The following MIPOL1 variants were observed in gnomAD, a reference collection of about 807,000 sequenced individuals.
MIPOL1 encodes mirror-image polydactyly gene 1 protein.
MIPOL1 carries 57 observed loss-of-function variants against 60.9 expected under a neutral mutation model. The observed-to-expected ratio is 0.94, with a 90% CI of 0.76 to 1.17. MIPOL1 has a LOEUF of 1.17. Ranked by LOEUF, MIPOL1 falls within the 50% of genes most tolerant of loss-of-function variation. MIPOL1 has a pLI of 0.00. For synonymous variants in MIPOL1, 179 were observed against 168.8 expected, an observed-to-expected ratio of 1.06 and a Z score of -0.47; for missense variants, 551 against 511.6, an observed-to-expected ratio of 1.08 and a Z score of -0.74.
intron 9 of MIPOL1, among the ~76,000 whole-genome samples, chr14:37,353,946 T>A (rs1445369974): frequency 9.8e-5 from 15 of 152,300 alleles, no homozygotes; most frequent in South Asian, 6.2e-4. Flanking sequence ...TGCCTTCTGC[T>A]AGCTTTTGAA....
intron 9 of MIPOL1, among the ~76,000 whole-genome samples, chr14:37,354,859 C>G (rs1056934987): frequency 3.1e-5 from 3 of 96,374 alleles, no homozygotes; most frequent in African/African-American, 1.2e-4. Context: ...GACTCTTTAT[C>G]CAATTTGCCA....
chr14:37,315,125 C>A (rs1383740420), intron 9 of MIPOL1, among the ~76,000 whole-genome samples: 1 of 152,064 alleles, frequency 6.6e-6, no homozygotes, highest in African/African-American at 2.4e-5. Flanking sequence ...GTGATCAAGG[C>A]AGGCCTATTT....
At chr14:37,218,924 CAAAAAAA>C (rs150658949) in intron 1 of MIPOL1, among the ~76,000 whole-genome samples, 86 of 106,762 alleles carry the variant, frequency 8.1e-4, no homozygotes, top group Non-Finnish European at 1.6e-3. Flanking sequence ...GACCCTATTT[CAAAAAAA>C]AAAAAAAAAA....
chr14:37,299,434 TATA>T (rs1480729664), intron 7 of MIPOL1, among the ~76,000 whole-genome samples: 11 of 142,974 alleles, frequency 7.7e-5, no homozygotes, highest in African/African-American at 1.5e-4. Flanking sequence ...AAACTTAAAG[TATA>T]ATAATAAAAA....
At chr14:37,408,582 T>C (rs952445409) in intron 10 of MIPOL1, among the ~76,000 whole-genome samples, 1 of 152,072 alleles carries the variant, frequency 6.6e-6, no homozygotes, top group Non-Finnish European at 1.5e-5. Flanking sequence ...TGAGTTGAGA[T>C]TGCACCACTA....
intron 12 of MIPOL1, among the ~76,000 whole-genome samples, chr14:37,523,973 G>A (rs1475960166): frequency 6.6e-6 from 1 of 152,120 alleles, no homozygotes; most frequent in Non-Finnish European, 1.5e-5. Flanking sequence ...TTGGCTTGTT[G>A]GAGAAACTGA....
intron 10 of MIPOL1, among the ~76,000 whole-genome samples, chr14:37,422,622 G>A (rs2093893412): frequency 1.3e-5 from 2 of 151,938 alleles, no homozygotes; most frequent in Middle Eastern, 3.4e-3. Context: ...AGATAAATAA[G>A]GTTGAAGTTT....
chr14:37,348,859 ACT>A (rs2091136904), intron 9 of MIPOL1, among the ~76,000 whole-genome samples: 1 of 129,576 alleles, frequency 7.7e-6, no homozygotes, highest in Non-Finnish European at 1.6e-5. Context: ...ACAGAGTCTC[ACT>A]CTGTCACCCG....
chr14:37,344,552 T>G (rs1241543085), intron 9 of MIPOL1, among the ~76,000 whole-genome samples: 1 of 152,146 alleles, frequency 6.6e-6, no homozygotes, highest in Non-Finnish European at 1.5e-5. Context: ...TGGAAGCACA[T>G]GTCAAGTTGT....
intron 7 of MIPOL1, among the ~76,000 whole-genome samples, chr14:37,296,610 TG>T (rs1336235369): frequency 6.6e-6 from 1 of 152,038 alleles, no homozygotes; most frequent in Non-Finnish European, 1.5e-5. Flanking sequence ...CAATAAAAAA[TG>T]GCAAAGGGGA....
intron 3 of MIPOL1, among the ~76,000 whole-genome samples, chr14:37,248,982 A>G (rs77114294): frequency 0.021 from 2,947 of 143,578 alleles, 84 homozygotes; most frequent in African/African-American, 0.08. Flanking sequence ...GGAAGGATGG[A>G]TGGATGGATG....
chr14:37,415,418 C>T (rs531489815), intron 10 of MIPOL1, among the ~76,000 whole-genome samples: 49 of 151,334 alleles, frequency 3.2e-4, no homozygotes, highest in Non-Finnish European at 5.8e-4. Flanking sequence ...GTCAGGAGAT[C>T]GAGACCATCC....
chr14:37,351,234 G>C (rs1241515187), intron 9 of MIPOL1, among the ~76,000 whole-genome samples: 1 of 147,266 alleles, frequency 6.8e-6, no homozygotes. Context: ...CCAAGGACAT[G>C]AACTCATTCT....
At chr14:37,494,620 T>G (rs1246728860) in intron 11 of MIPOL1, among the ~76,000 whole-genome samples, 1 of 152,114 alleles carries the variant, frequency 6.6e-6, no homozygotes, top group Non-Finnish European at 1.5e-5. Context: ...ACATAAAGAC[T>G]GTAGGTTCAA....
chr14:37,466,701 C>T (rs1356742535), intron 11 of MIPOL1, among the ~76,000 whole-genome samples: 1 of 152,206 alleles, frequency 6.6e-6, no homozygotes, highest in Non-Finnish European at 1.5e-5. Flanking sequence ...GCATTCACCC[C>T]ACCAATGATT....
intron 1 of MIPOL1, among the ~76,000 whole-genome samples, chr14:37,201,513 T>C (rs1306680555): frequency 2.6e-5 from 4 of 152,144 alleles, no homozygotes; most frequent in Non-Finnish European, 5.9e-5. Context: ...ATATATAATA[T>C]AGTTATTGTA....
chr14:37,369,576 C>T lies in MIPOL1; in HGVS notation c.888C>T (p.Asn296=). 1.2e-6 allele frequency: 2 copies of T among 1,613,430 alleles called. No individual in the cohort carries two copies. The highest frequency in any genetic ancestry group is 1.7e-6 in the Non-Finnish European group (2 of 1,179,572). ...HVKEQNQTSA[N]NMRHLTAENN... Reference sequence around the variant, plus strand: ...AAGAGCAGAACCAGACTTCAGCAAACAACATGAGACATCTGACTGCTGAAA... The same window carrying T: ...AAGAGCAGAACCAGACTTCAGCAAATAACATGAGACATCTGACTGCTGAAA... Residue 296 remains asparagine (N), a synonymous_variant, in exon 10 of 13, where the codon AAC becomes AAT. Coordinates refer to ENST00000684589, the MANE Select transcript of MIPOL1 (RefSeq NM_001388067.1).
At chr14:37,349,757 T>C (rs1458910736) in intron 9 of MIPOL1, among the ~76,000 whole-genome samples, 5 of 152,184 alleles carry the variant, frequency 3.3e-5, no homozygotes, top group Admixed American at 3.3e-4. Flanking sequence ...CATTTACTTA[T>C]TTCGTTTATT....
chr14:37,321,769 T>A (rs1480988059), intron 9 of MIPOL1, among the ~76,000 whole-genome samples: 1 of 152,032 alleles, frequency 6.6e-6, no homozygotes, highest in Non-Finnish European at 1.5e-5. Flanking sequence ...TACTAAGGTC[T>A]TTACGATTAC....
Sources: gnomAD v4.1 joint callset for allele counts (sites outside exome capture counted in the v4.1 genomes callset) on GRCh38, gnomAD v4.1.1 for gene constraint, MANE v1.5 for transcripts, NCBI Gene and HGNC (gene_info 2026-07-23, HGNC 2026-07-21) for gene names.